TYW1: variants seen among roughly 807,000 people sequenced by gnomAD.
TYW1 encodes S-adenosyl-L-methionine-dependent tRNA 4-demethylwyosine synthase TYW1.
Under a neutral mutation model 96.2 loss-of-function variants are expected in TYW1, and 46 were observed. The ratio of observed to expected loss-of-function variants is 0.48; its 90% CI spans 0.38 to 0.61. TYW1 has a LOEUF of 0.61. Among genes scored for constraint, TYW1 ranks in the 20% least tolerant of loss-of-function variants. TYW1 has a pLI of 0.00. For synonymous variants in TYW1, 274 were observed against 323.0 expected (o/e 0.85, Z 1.63); for missense variants, 684 against 909.6 (o/e 0.75, Z 3.19).
chr7:67,032,527 A>C (rs940660196), intron 7 of TYW1, among the ~76,000 whole-genome samples: 1 of 152,196 alleles, frequency 6.6e-6, no homozygotes, highest in African/African-American at 2.4e-5. Flanking sequence ...AGGCTGAGGT[A>C]GGAGAATCGC....
chr7:67,049,355 C>T (rs185693442), intron 7 of TYW1, among the ~76,000 whole-genome samples: 1 of 152,154 alleles, frequency 6.6e-6, no homozygotes, highest in Admixed American at 6.5e-5. Context: ...AAATGTTTGA[C>T]ACTTAGATAA....
intron 7 of TYW1, among the ~76,000 whole-genome samples, chr7:67,029,411 G>C (rs372042534): frequency 9.4e-6 from 1 of 106,920 alleles, no homozygotes; most frequent in Admixed American, 1.1e-4. Context: ...GTGTGTGTGT[G>C]TGTGTATATA....
chr7:67,106,306 G>A (rs1797242968), intron 12 of TYW1, among the ~76,000 whole-genome samples: 1 of 152,208 alleles, frequency 6.6e-6, no homozygotes, highest in Non-Finnish European at 1.5e-5. Flanking sequence ...CTTGGTCCCT[G>A]TAGACATGTG....
chr7:67,029,437 A>ATGT (rs746024597), intron 7 of TYW1, among the ~76,000 whole-genome samples: 1 of 146,554 alleles, frequency 6.8e-6, no homozygotes, highest in African/African-American at 2.5e-5. Context: ...ATATATAAAT[A>ATGT]GTATTTTCTA....
At chr7:67,221,780 C>T (rs1445424404) in intron 15 of TYW1, among the ~76,000 whole-genome samples, 1 of 152,118 alleles carries the variant, frequency 6.6e-6, no homozygotes, top group Non-Finnish European at 1.5e-5. Flanking sequence ...CAGCTCTGTT[C>T]CCACCCATTT....
At chr7:67,121,329 A>G (rs1256788968) in intron 13 of TYW1, among the ~76,000 whole-genome samples, 2 of 152,218 alleles carry the variant, frequency 1.3e-5, no homozygotes, top group African/African-American at 4.8e-5. Context: ...TGAGGTCAGG[A>G]GTTCAAGACC....
intron 7 of TYW1, among the ~76,000 whole-genome samples, chr7:67,035,924 A>G (rs1221413367): frequency 3.3e-5 from 5 of 149,872 alleles, no homozygotes; most frequent in African/African-American, 7.3e-5. Context: ...TGATCCGCCC[A>G]CCTTGGCCTC....
At chr7:67,052,352 C>A (rs1795383763) in intron 8 of TYW1, among the ~76,000 whole-genome samples, 1 of 152,120 alleles carries the variant, frequency 6.6e-6, no homozygotes, top group African/African-American at 2.4e-5. Context: ...AAAGTTCTTT[C>A]TTCTGTCTCA....
Position 67,109,130 on chromosome 7 carries a change from C to T in TYW1, c.1563-8353C>T, listed in dbSNP as rs188535779. ...CTACTAAAAATACAAAAAAATTAGC[C>T]GGGCGCAGTGGCGGGCACCTGTAGT... On this transcript the variant is annotated intron_variant, in intron 12 of 15. Coordinates refer to ENST00000359626, the MANE Select transcript of TYW1 (RefSeq NM_018264.4). Among the ~76,000 whole-genome samples the T allele has an allele frequency of 3.2e-3, 479 of 151,770 alleles. 4 individuals are homozygous for T. The highest frequency in any genetic ancestry group is 0.011 in the African/African-American group (441 of 41,438).
intron 13 of TYW1, among the ~76,000 whole-genome samples, chr7:67,166,359 A>AATATATAATATATAT (rs1799330294): frequency 5.5e-5 from 6 of 109,156 alleles, no homozygotes; most frequent in African/African-American, 7.0e-5. Flanking sequence ...ATTATATATA[A>AATATATAATATATAT]TACATATATA....
intron 13 of TYW1, among the ~76,000 whole-genome samples, chr7:67,131,543 G>A (rs184914881): frequency 6.6e-6 from 1 of 152,090 alleles, no homozygotes; most frequent in African/African-American, 2.4e-5. Flanking sequence ...GTTCCATATT[G>A]TCTTCAGTAT....
intron 13 of TYW1, among the ~76,000 whole-genome samples, chr7:67,167,199 G>A (rs1343422350): frequency 3.3e-5 from 5 of 152,126 alleles, no homozygotes; most frequent in Non-Finnish European, 7.4e-5. Context: ...GCCGGGCGCG[G>A]CGGCTCACGC....
chr7:67,023,398 G>A (rs1465393532), intron 6 of TYW1, among the ~76,000 whole-genome samples: 4 of 151,974 alleles, frequency 2.6e-5, no homozygotes, highest in South Asian at 4.2e-4. Flanking sequence ...TGTCCGGCCC[G>A]TTTCTTTTAA....
At chr7:67,130,219 A>G (rs1228252128) in intron 13 of TYW1, among the ~76,000 whole-genome samples, 1 of 151,822 alleles carries the variant, frequency 6.6e-6, no homozygotes, top group Non-Finnish European at 1.5e-5. Flanking sequence ...CATCTCTACT[A>G]CAAATACAAA....
intron 9 of TYW1, among the ~76,000 whole-genome samples, chr7:67,061,704 A>G (rs968372194): frequency 2.6e-5 from 4 of 152,226 alleles, no homozygotes; most frequent in African/African-American, 9.6e-5. Context: ...ATTTTTATTG[A>G]ATTTATATAA....
intron 15 of TYW1, among the ~76,000 whole-genome samples, chr7:67,236,074 C>T (rs1051225502): frequency 7.9e-5 from 12 of 151,998 alleles, no homozygotes; most frequent in African/African-American, 1.9e-4. Context: ...ACAGTGAGGT[C>T]CTGTGGCCAG....
At position 66,996,991 on chromosome 7, in the gene TYW1, A is replaced by G; in HGVS notation, c.4+9A>G. 1 of 1,614,106 alleles carries G rather than the reference A, an allele frequency of 6.2e-7. No homozygotes were observed. The highest frequency in any genetic ancestry group is 8.5e-7 in the Non-Finnish European group (1 of 1,180,010). On this transcript the variant is annotated intron_variant, in intron 1 of 15. Transcript: ENST00000359626. The stretch of plus-strand genomic sequence containing the variant: ...GGCTCTGAGGAGGATGGGTAAGGGC[A>G]CTCGGCGGGCAAGGACCCTGGGGCG...
intron 14 of TYW1, among the ~76,000 whole-genome samples, chr7:67,194,784 C>A (rs1404720846): frequency 6.7e-6 from 1 of 148,740 alleles, no homozygotes; most frequent in East Asian, 1.9e-4. Context: ...GTCCACTATG[C>A]CCCCATTATT....
chr7:67,106,242 A>C (rs1797239973), intron 12 of TYW1, among the ~76,000 whole-genome samples: 1 of 152,252 alleles, frequency 6.6e-6, no homozygotes, highest in African/African-American at 2.4e-5. Flanking sequence ...GCATTTTGAT[A>C]CACAAAGAAT....
Sources: allele counts gnomAD v4.1 joint callset (sites outside exome capture counted in the v4.1 genomes callset), GRCh38; gene constraint gnomAD v4.1.1; transcripts MANE v1.5; gene names NCBI Gene and HGNC (gene_info 2026-07-23, HGNC 2026-07-21).